SHISA6: variants seen among roughly 807,000 people sequenced by gnomAD.
The protein encoded by SHISA6 is shisa family member 6.
Under a neutral mutation model 47.9 loss-of-function variants are expected in SHISA6, and 22 were observed. The ratio of observed to expected loss-of-function variants is 0.46; its 90% CI spans 0.33 to 0.66. SHISA6 has a LOEUF of 0.66. SHISA6 is among the 30% of genes least tolerant of loss of function. The pLI is 0.02. For missense variants in SHISA6, 680 were observed against 764.6 expected (o/e 0.89, Z 1.30); for synonymous variants, 388 against 337.8 (o/e 1.15, Z -1.63).
intron 3 of SHISA6, among the ~76,000 whole-genome samples, chr17:11,422,301 G>A (rs1044185964): frequency 1.3e-5 from 2 of 152,150 alleles, no homozygotes; most frequent in Non-Finnish European, 2.9e-5. Context: ...AAAAATGAGA[G>A]GCAAGAGGGA....
At position 11,504,489 on chromosome 17, in the gene SHISA6, T is replaced by C. The variant is rs1037587747; in HGVS notation, c.896-47407T>C. Among the ~76,000 whole-genome samples, 21 of 152,286 alleles carry C rather than the reference T, an allele frequency of 1.4e-4. 1 individual carries two copies. The highest frequency in any genetic ancestry group is 6.2e-4 in the South Asian group (3 of 4,820). On this transcript the variant is annotated intron_variant, in intron 3 of 5. Transcript: ENST00000441885. ...AGAGACTTGTCTCAAGGTTTTGACATGATCCTATTGTTAAGAAGTGAAACC... is the reference window on the plus strand; with the variant it reads ...AGAGACTTGTCTCAAGGTTTTGACACGATCCTATTGTTAAGAAGTGAAACC...
chr17:11,428,996 G>T (rs1443615447), intron 3 of SHISA6, among the ~76,000 whole-genome samples: 2 of 151,994 alleles, frequency 1.3e-5, no homozygotes, highest in Non-Finnish European at 2.9e-5. Context: ...ATGTTAGCCA[G>T]GATGGTCTCA....
At chr17:11,485,448 C>T (rs758716447) in intron 3 of SHISA6, among the ~76,000 whole-genome samples, 6 of 152,182 alleles carry the variant, frequency 3.9e-5, no homozygotes, top group Non-Finnish European at 7.3e-5. Flanking sequence ...GTGGGCAATG[C>T]TGTCTCACAT....
At chr17:11,320,607 A>G (rs9901823) in intron 2 of SHISA6, among the ~76,000 whole-genome samples, 111,612 of 151,694 alleles carry the variant, frequency 0.74, 41,241 homozygotes, top group Middle Eastern at 0.77. Context: ...TCAGTGAGCC[A>G]AAATTGTGCC....
At chr17:11,436,475 A>G (rs1234938482) in intron 3 of SHISA6, among the ~76,000 whole-genome samples, 1 of 152,176 alleles carries the variant, frequency 6.6e-6, no homozygotes, top group Non-Finnish European at 1.5e-5. Context: ...TTAATTCACA[A>G]CTACTTATGG....
intron 2 of SHISA6, among the ~76,000 whole-genome samples, chr17:11,283,399 T>G (rs1230811705): frequency 2.6e-5 from 4 of 152,236 alleles, no homozygotes; most frequent in Non-Finnish European, 5.9e-5. Flanking sequence ...AAACTTCAAC[T>G]CAAGTTTTCT....
At chr17:11,525,651 A>G (rs969647294) in intron 3 of SHISA6, among the ~76,000 whole-genome samples, 17 of 42,982 alleles carry the variant, frequency 4.0e-4, no homozygotes, top group South Asian at 8.5e-4. Flanking sequence ...AAAAAAAAAA[A>G]CAAAAAAAAA....
rs143690483 is a variant in SHISA6, at chr17:11,396,794, C to T, written c.895+17285C>T. Among the ~76,000 whole-genome samples the T allele has an allele frequency of 4.5e-3, 686 of 152,174 alleles. 1 individual carries two copies. The highest frequency in any genetic ancestry group is 9.1e-3 in the South Asian group (44 of 4,820). ...CATTAGGACAAATACCTAATGCATG[C>T]GGGGCTTAAAACCTAGATGATGGTT... On this transcript the variant is annotated intron_variant, in intron 3 of 5. Coordinates refer to ENST00000441885, the MANE Select transcript of SHISA6 (RefSeq NM_207386.4).
chr17:11,547,362 G>C (rs2071891730), intron 3 of SHISA6, among the ~76,000 whole-genome samples: 1 of 152,138 alleles, frequency 6.6e-6, no homozygotes, highest in South Asian at 2.1e-4. Flanking sequence ...ACTTGTACAG[G>C]CTCTGCTCTC....
intron 3 of SHISA6, among the ~76,000 whole-genome samples, chr17:11,426,269 A>C (rs1296428352): frequency 6.6e-6 from 1 of 152,240 alleles, no homozygotes; most frequent in Non-Finnish European, 1.5e-5. Flanking sequence ...TGTAAGAATA[A>C]ATATCTATTA....
intron 3 of SHISA6, among the ~76,000 whole-genome samples, chr17:11,447,261 G>T (rs534388662): frequency 6.6e-6 from 1 of 152,330 alleles, no homozygotes; most frequent in African/African-American, 2.4e-5. Context: ...AAGAAAGAAA[G>T]AAATAAGAAG....
rs1263223923 is a variant in SHISA6 at position 11,428,785 on chromosome 17, T to C, written c.895+49276T>C. ...CTGGGGCAGGATCCACTTTCTTTTT[T>C]TTTTTTTTTTTTTTTTTGAGACAGA... On this transcript the variant is annotated intron_variant, in intron 3 of 5. Transcript: ENST00000441885. 2.7e-4 allele frequency among the ~76,000 whole-genome samples: 39 copies of C among 145,758 alleles called. No homozygotes were observed. In the South Asian group the frequency reaches 2.7e-3, roughly 10 times the overall value.
intron 3 of SHISA6, among the ~76,000 whole-genome samples, chr17:11,534,539 G>A (rs2071768801): frequency 6.6e-6 from 1 of 152,156 alleles, no homozygotes. Flanking sequence ...AAGACACAAG[G>A]CATGTACATA....
chr17:11,316,415 CTCTCTTT>C (rs1396502147), intron 2 of SHISA6, among the ~76,000 whole-genome samples: 68 of 50,752 alleles, frequency 1.3e-3, no homozygotes, highest in East Asian at 2.0e-3. Flanking sequence ...CTCTCTCTCT[CTCTCTTT>C]TTTTTTTTTT....
intron 2 of SHISA6, among the ~76,000 whole-genome samples, chr17:11,320,806 A>C (rs1307914509): frequency 1.3e-5 from 2 of 152,192 alleles, no homozygotes; most frequent in African/African-American, 2.4e-5. Context: ...TGCATGACAT[A>C]ATAATGCCTT....
intron 3 of SHISA6, among the ~76,000 whole-genome samples, chr17:11,450,166 T>C (rs934035392): frequency 2.0e-5 from 3 of 151,794 alleles, no homozygotes; most frequent in Non-Finnish European, 4.4e-5. Flanking sequence ...ATTACAGGCG[T>C]TGAGCCACCA....
intron 3 of SHISA6, among the ~76,000 whole-genome samples, chr17:11,521,510 G>A (rs993976511): frequency 5.3e-5 from 8 of 152,144 alleles, no homozygotes; most frequent in Non-Finnish European, 7.3e-5. Flanking sequence ...GAAGGCAGGC[G>A]CAGTGGTTCA....
At chr17:11,537,373 T>C (rs935752326) in intron 3 of SHISA6, among the ~76,000 whole-genome samples, 10 of 152,160 alleles carry the variant, frequency 6.6e-5, no homozygotes, top group African/African-American at 2.4e-4. Context: ...GGGATCCCAC[T>C]TTCTGACACC....
chr17:11,558,050 G>C lies in SHISA6; in HGVS notation c.1402G>C (p.Glu468Gln). Reference protein sequence around the residue: ...LLSPERTAFPEQSLSRAISHT... With the variant: ...LLSPERTAFPQQSLSRAISHT... Reference sequence around the variant, plus strand: ...GTCCCCGGAGCGGACGGCCTTTCCCGAGCAGTCGCTGTCCAGGGCCATCTC... The same window carrying C: ...GTCCCCGGAGCGGACGGCCTTTCCCCAGCAGTCGCTGTCCAGGGCCATCTC... The change falls in exon 6 of 6, where the codon GAG (glutamate) becomes CAG (glutamine). Residue 468 changes from glutamate (E) to glutamine (Q), a missense_variant. Physicochemically the swap from Glu to Gln is conservative, Grantham distance 29. Around this residue, in one of 2 missense-constraint regions of SHISA6, gnomAD observed 559 missense variants for 674.1 expected, o/e 0.83. Coordinates refer to ENST00000441885, the MANE Select transcript of SHISA6 (RefSeq NM_207386.4). 6.4e-7 allele frequency: 1 copy of C among 1,551,634 alleles called. No individual in the cohort carries two copies. Among genetic ancestry groups the C allele is most frequent in the Non-Finnish European group, 8.7e-7 (1 of 1,146,996 alleles).
Sources: gnomAD v4.1 joint callset for allele counts (sites outside exome capture counted in the v4.1 genomes callset) on GRCh38, gnomAD v4.1.1 for gene constraint, gnomAD v4.1.1 regional missense constraint, MANE v1.5 for transcripts, NCBI Gene and HGNC (gene_info 2026-07-23, HGNC 2026-07-21) for gene names.